PHLPP1: variants seen among roughly 807,000 people sequenced by gnomAD.
PHLPP1 encodes PH domain leucine-rich repeat-containing protein phosphatase 1.
In PHLPP1, 42 loss-of-function variants were observed where a neutral mutation model predicts 117.2. That is an observed-to-expected ratio of 0.36 (90% CI 0.28 to 0.46). PHLPP1 has a LOEUF of 0.46. PHLPP1 is among the 20% of genes least tolerant of loss of function. The pLI is 1.00. For missense variants in PHLPP1, 2,084 were observed against 2,241.9 expected (o/e 0.93, Z 1.42); for synonymous variants, 1,042 against 970.7 (o/e 1.07, Z -1.37).
intron 12 of PHLPP1, among the ~76,000 whole-genome samples, chr18:62,950,008 C>G (rs762797612): frequency 6.6e-6 from 1 of 152,104 alleles, no homozygotes; most frequent in Non-Finnish European, 1.5e-5. Flanking sequence ...TCTCTGTCAC[C>G]CAGGCTGGAG....
chr18:62,757,589 C>G (rs1169329507), intron 1 of PHLPP1, among the ~76,000 whole-genome samples: 1 of 152,218 alleles, frequency 6.6e-6, no homozygotes, highest in African/African-American at 2.4e-5. Context: ...TCGCTGACTT[C>G]TGAAACTGGC....
At position 62,758,104 on chromosome 18, in the gene PHLPP1, T is replaced by TA. The variant is rs148176319; in HGVS notation, c.1576+40851dup. On this transcript the variant is annotated intron_variant, in intron 1 of 16. Coordinates refer to ENST00000262719, the MANE Select transcript of PHLPP1 (RefSeq NM_194449.4). ...AAAATGCCTTTTTCTCCAAGTGCTC[T>TA]AAAAAATATACATTTAAAGTTTATT... Among the ~76,000 whole-genome samples, 1,097 of 152,320 alleles carry TA rather than the reference T, an allele frequency of 7.2e-3. 10 individuals carry two copies. Among genetic ancestry groups the TA allele is most frequent in the African/African-American group, 0.026 (1,066 of 41,578 alleles).
In PHLPP1 at chr18:62,717,017, C is replaced by CG; in HGVS notation, c.1337dup (p.Gly447ArgfsTer49). ...GAGAAGGCAGCGGCAGCCGTGGCCC[C>CG]GGGAGGCCTCCAGTCTACCCCCGGG... is the stretch of plus-strand genomic sequence containing the variant. On this transcript the variant is annotated frameshift_variant, in exon 1 of 17. Coordinates refer to ENST00000262719, the MANE Select transcript of PHLPP1 (RefSeq NM_194449.4). LOFTEE classifies it high-confidence loss of function. 6.5e-7 allele frequency: 1 copy of CG among 1,544,718 alleles called. No homozygotes were observed. Among genetic ancestry groups the CG allele is most frequent in the Non-Finnish European group, 8.7e-7 (1 of 1,145,920 alleles).
intron 4 of PHLPP1, among the ~76,000 whole-genome samples, chr18:62,881,018 G>A (rs974008466): frequency 6.6e-6 from 1 of 152,158 alleles, no homozygotes; most frequent in Non-Finnish European, 1.5e-5. Context: ...TAACCAGTAA[G>A]TACCTCTTGT....
chr18:62,879,683 C>T (rs1916130037), intron 4 of PHLPP1, among the ~76,000 whole-genome samples: 1 of 152,166 alleles, frequency 6.6e-6, no homozygotes, highest in East Asian at 1.9e-4. Flanking sequence ...ACTGGGATTA[C>T]AGGCGTGAGC....
Position 62,731,836 on chromosome 18 carries a change from T to G in PHLPP1, c.1576+14577T>G, listed in dbSNP as rs1355238121. Reference sequence around the variant, plus strand: ...ATGGAGAACGTTTTAGTGGTCTACATAGAAGATCAAACCAGGTACAACATT... The same window carrying G: ...ATGGAGAACGTTTTAGTGGTCTACAGAGAAGATCAAACCAGGTACAACATT... On this transcript the variant is annotated intron_variant, in intron 1 of 16. Coordinates refer to ENST00000262719, the MANE Select transcript of PHLPP1 (RefSeq NM_194449.4). Among the ~76,000 whole-genome samples, 3 of 152,212 alleles carry G rather than the reference T, an allele frequency of 2.0e-5. No individual in the cohort carries two copies. The East Asian group carries it at 5.8e-4, about 29-fold the overall frequency.
At chr18:62,834,025 C>T in intron 2 of PHLPP1, among the ~76,000 whole-genome samples, 1 of 152,106 alleles carries the variant, frequency 6.6e-6, no homozygotes, top group East Asian at 1.9e-4. Context: ...GCCCTGGTAA[C>T]ACCCCTCTTT....
chr18:62,745,730 T>A (rs1214032527), intron 1 of PHLPP1, among the ~76,000 whole-genome samples: 1 of 152,222 alleles, frequency 6.6e-6, no homozygotes, highest in Non-Finnish European at 1.5e-5. Context: ...CTTTGAAAAA[T>A]TCATGATTAA....
intron 1 of PHLPP1, chr18:62,824,054 C>A (rs981575991): frequency 3.8e-5 from 15 of 392,224 alleles, no homozygotes; most frequent in Non-Finnish European, 7.6e-5. Flanking sequence ...ATTGCTTGAA[C>A]CTGGGAGGTG....
chr18:62,975,961 T>A (rs749582670), intron 16 of PHLPP1, among the ~76,000 whole-genome samples: 4 of 152,246 alleles, frequency 2.6e-5, no homozygotes, highest in Admixed American at 1.3e-4. Flanking sequence ...CTGCCACTTG[T>A]AGGTTGTGAC....
At chr18:62,808,565 T>TTTTTTTTTTTTTTTTTTTTTA (rs747889895) in intron 1 of PHLPP1, among the ~76,000 whole-genome samples, 20 of 150,790 alleles carry the variant, frequency 1.3e-4, no homozygotes, top group Non-Finnish European at 2.5e-4. Context: ...TTGTTTTTTT[T>TTTTTTTTTTTTTTTTTTTTTA]TTTTGAGACG....
chr18:62,793,003 T>A (rs575220903), intron 1 of PHLPP1, among the ~76,000 whole-genome samples: 3 of 151,390 alleles, frequency 2.0e-5, no homozygotes, highest in African/African-American at 2.4e-5. Flanking sequence ...GGTGTAACCC[T>A]GTCTCTACTA....
chr18:62,882,938 C>A (rs1400631218), intron 4 of PHLPP1, among the ~76,000 whole-genome samples: 1 of 142,792 alleles, frequency 7.0e-6, no homozygotes. Context: ...GAGAGCAAGA[C>A]CACATCTTAA....
rs531896454 is a variant in PHLPP1 at position 62,805,506 on chromosome 18, C to T, written c.1577-24529C>T. ...CTGAGTAACTAGGACTACAAGCATG[C>T]GCCCCACACCTGGCTAACTTTTTAA... On this transcript the variant is annotated intron_variant, in intron 1 of 16. Coordinates refer to ENST00000262719, the MANE Select transcript of PHLPP1 (RefSeq NM_194449.4). Among the ~76,000 whole-genome samples the T allele has an allele frequency of 4.6e-5, 7 of 152,140 alleles. No individual in the cohort carries two copies. In the South Asian group the frequency reaches 8.3e-4, roughly 18 times the overall value.
At chr18:62,941,977 A>C (rs374352575) in intron 11 of PHLPP1, 59 bp downstream of exon 11, 16 of 1,334,714 alleles carry the variant, frequency 1.2e-5, no homozygotes, top group Non-Finnish European at 1.6e-5. Flanking sequence ...TATTCATAGA[A>C]AGGTGAAGGC....
rs1170173978 is a variant in PHLPP1 at position 62,895,055 on chromosome 18, G to C, written c.2111G>C (p.Gly704Ala). 4 of 1,612,646 alleles carry C rather than the reference G, an allele frequency of 2.5e-6. No homozygotes were observed. Among genetic ancestry groups the C allele is most frequent in the Non-Finnish European group, 3.4e-6 (4 of 1,178,966 alleles). The change falls in exon 5 of 17, where the codon GGG becomes GCG. Residue 704 changes from glycine to alanine, a missense_variant. Physicochemically the swap from Gly to Ala is moderately conservative, Grantham distance 60. This residue lies in a region of PHLPP1 where 1,365 missense variants were observed against 1,605.9 expected (regional missense o/e 0.85). Transcript: ENST00000262719. ...KSLNLSNNHL[G>A]DFPLAVCSIP... Reference sequence around the variant, plus strand: ...CTTAACCTTTCCAATAATCATTTAGGGGACTTCCCACTGGCAGTCTGCAGT... The same window carrying C: ...CTTAACCTTTCCAATAATCATTTAGCGGACTTCCCACTGGCAGTCTGCAGT...
intron 2 of PHLPP1, among the ~76,000 whole-genome samples, chr18:62,833,459 C>T (rs1914807023): frequency 6.6e-6 from 1 of 152,172 alleles, no homozygotes; most frequent in South Asian, 2.1e-4. Flanking sequence ...AATTTAGGAA[C>T]TGTGGGGATA....
At chr18:62,876,963 AGAAAGAGG>A (rs1479260281) in intron 4 of PHLPP1, among the ~76,000 whole-genome samples, 2 of 152,192 alleles carry the variant, frequency 1.3e-5, no homozygotes, top group African/African-American at 4.8e-5. Flanking sequence ...CTCTCATGCG[AGAAAGAGG>A]GAAAGAGTGA....
At chr18:62,750,475 G>T (rs1021926399) in intron 1 of PHLPP1, among the ~76,000 whole-genome samples, 1 of 151,990 alleles carries the variant, frequency 6.6e-6, no homozygotes, top group African/African-American at 2.4e-5. Flanking sequence ...TCTCTTTTAC[G>T]TAGGAGAAAA....
Sources: gnomAD v4.1 joint callset for allele counts (sites outside exome capture counted in the v4.1 genomes callset) on GRCh38, gnomAD v4.1.1 for gene constraint, gnomAD v4.1.1 regional missense constraint, MANE v1.5 for transcripts, NCBI Gene and HGNC (gene_info 2026-07-23, HGNC 2026-07-21) for gene names.